The following EMB variants were observed in gnomAD, a reference collection of about 807,000 sequenced individuals.
EMB encodes the protein embigin, also known as embigin homolog.
A neutral mutation model predicts 41.4 loss-of-function variants in EMB; 31 were observed. That is an observed-to-expected ratio of 0.75 (90% CI 0.56 to 1.01). The LOEUF is 1.01. EMB is among the 50% of genes least tolerant of loss of function. EMB has a pLI of 0.00. For synonymous variants in EMB, 137 were observed against 140.4 expected (o/e 0.98, Z 0.17); for missense variants, 379 against 388.3 (o/e 0.98, Z 0.20).
At chr5:50,423,795 A>G (rs569576935) in intron 2 of EMB, among the ~76,000 whole-genome samples, 1 of 152,338 alleles carries the variant, frequency 6.6e-6, no homozygotes, top group Admixed American at 6.5e-5. Flanking sequence ...CCACGTCTTT[A>G]AATAATAACG....
At chr5:50,431,104 T>C (rs952635103) in intron 1 of EMB, among the ~76,000 whole-genome samples, 1 of 152,196 alleles carries the variant, frequency 6.6e-6, no homozygotes, top group African/African-American at 2.4e-5. Context: ...GTACCTTAAC[T>C]TCATATTCCC....
At position 50,424,398 on chromosome 5, in the gene EMB, G is replaced by C. The variant is rs770018087; in HGVS notation, c.196+3746C>G. 1.1e-4 allele frequency among the ~76,000 whole-genome samples: 16 copies of C among 152,128 alleles called. 1 individual carries two copies. Among genetic ancestry groups the C allele is most frequent in the Non-Finnish European group, 2.2e-4 (15 of 68,022 alleles). On this transcript the variant is annotated intron_variant, in intron 2 of 8. Transcript: ENST00000303221. ...GAAGCAGGAACATATGCGCTTCTCT[G>C]ATATGTGCTTTATTGAAGATGGGAT...
At chr5:50,426,632 G>A (rs370205349) in intron 2 of EMB, among the ~76,000 whole-genome samples, 2 of 152,038 alleles carry the variant, frequency 1.3e-5, no homozygotes, top group South Asian at 2.1e-4. Flanking sequence ...CTTCGACAAT[G>A]GCCAGAGGGA....
At chr5:50,399,945 A>G in intron 7 of EMB, 32 bp from the exon 8 acceptor site, 3 of 1,502,384 alleles carry the variant, frequency 2.0e-6, no homozygotes, top group Non-Finnish European at 1.8e-6. Flanking sequence ...AAATTACTAA[A>G]TGCTTATATT....
At chr5:50,435,107 A>G (rs143151240) in intron 1 of EMB, among the ~76,000 whole-genome samples, 7 of 152,190 alleles carry the variant, frequency 4.6e-5, no homozygotes, top group African/African-American at 1.7e-4. Flanking sequence ...GGTAAACTGA[A>G]GCTTTCTCAG....
Position 50,398,855 on chromosome 5 carries a change from C to G in EMB, c.*418G>C, listed in dbSNP as rs1370889915. The G allele has an allele frequency of 6.5e-6, 1 of 153,240 alleles. No homozygotes were observed. The highest frequency in any genetic ancestry group is 1.5e-5 in the Non-Finnish European group (1 of 68,574). 9.5% of individuals were successfully genotyped at this position (153,240 alleles called of 1,614,324 possible). ...ATTGTTACATATACTTCCATAGATA[C>G]TAATAGTAAGTATGATTTTTTTTTA... On this transcript the variant is annotated 3_prime_UTR_variant, in exon 9 of 9. Coordinates refer to ENST00000303221, the MANE Select transcript of EMB (RefSeq NM_198449.3).
At chr5:50,401,722 TA>T (rs1745165362) in intron 7 of EMB, among the ~76,000 whole-genome samples, 3 of 151,978 alleles carry the variant, frequency 2.0e-5, no homozygotes, top group Non-Finnish European at 2.9e-5. Flanking sequence ...TGAATAATAA[TA>T]ACTAATAGAA....
intron 4 of EMB, among the ~76,000 whole-genome samples, chr5:50,407,330 G>A (rs1745265076): frequency 6.6e-6 from 1 of 151,696 alleles, no homozygotes; most frequent in Non-Finnish European, 1.5e-5. Context: ...TACCTGCTTG[G>A]GAAGCATAAT....
intron 2 of EMB, among the ~76,000 whole-genome samples, chr5:50,414,304 T>C (rs767682949): frequency 1.3e-5 from 2 of 151,730 alleles, no homozygotes; most frequent in African/African-American, 2.4e-5. Context: ...TGTGTGGGAT[T>C]GCTTGAGCAC....
intron 1 of EMB, among the ~76,000 whole-genome samples, chr5:50,438,613 G>A (rs900648107): frequency 1.8e-4 from 28 of 152,158 alleles, no homozygotes; most frequent in South Asian, 6.2e-4. Flanking sequence ...TATACATCTA[G>A]GTCAAAAATA....
At chr5:50,441,960 C>T (rs1745922922), upstream of EMB, among the ~76,000 whole-genome samples, 2 of 152,100 alleles carry the variant, frequency 1.3e-5, no homozygotes, top group South Asian at 4.1e-4. Flanking sequence ...TAAGATAATG[C>T]TCTTACCCAC....
intron 2 of EMB, among the ~76,000 whole-genome samples, chr5:50,416,505 C>T (rs1163422599): frequency 1.3e-5 from 2 of 152,064 alleles, no homozygotes; most frequent in African/African-American, 2.4e-5. Context: ...CTGCTTTGTT[C>T]TTTATTAAGA....
At chr5:50,429,901 A>G (rs995212877) in intron 1 of EMB, among the ~76,000 whole-genome samples, 3 of 145,250 alleles carry the variant, frequency 2.1e-5, no homozygotes, top group African/African-American at 7.7e-5. Context: ...TCCTCCCATC[A>G]CCCTCCTTCT....
At chr5:50,429,004 T>G (rs908195450) in intron 1 of EMB, among the ~76,000 whole-genome samples, 3 of 152,180 alleles carry the variant, frequency 2.0e-5, no homozygotes, top group Non-Finnish European at 4.4e-5. Flanking sequence ...CAAGCAATTC[T>G]CCTGCCTCAG....
intron 5 of EMB, among the ~76,000 whole-genome samples, chr5:50,405,391 A>G (rs181458817): frequency 2.0e-4 from 31 of 152,088 alleles, no homozygotes; most frequent in African/African-American, 7.0e-4. Flanking sequence ...ATTTTTAAAA[A>G]GAATATTTTC....
chr5:50,428,618 A>C, intron 1 of EMB: 2 of 987,792 alleles, frequency 2.0e-6, no homozygotes, highest in Non-Finnish European at 2.4e-6. Context: ...GAAGAGCGAC[A>C]GGCAGACCTT....
chr5:50,432,464 G>T (rs539396516), intron 1 of EMB, among the ~76,000 whole-genome samples: 2 of 152,158 alleles, frequency 1.3e-5, no homozygotes, highest in Non-Finnish European at 2.9e-5. Flanking sequence ...TTGGAAATAA[G>T]AATATATTTC....
intron 2 of EMB, among the ~76,000 whole-genome samples, chr5:50,419,768 T>C (rs1301091124): frequency 3.3e-5 from 5 of 151,968 alleles, no homozygotes; most frequent in South Asian, 2.1e-4. Flanking sequence ...AGCAAAGACA[T>C]AGAATTAACC....
In EMB at chr5:50,403,242, C is replaced by T. The variant is rs571739642; in HGVS notation, c.813G>A (p.Val271=). ...LKPFLVIVAE[V]ILLVATILLC... ...GCAGAATGGTGGCCACTAAAAGAAT[C>T]ACCTCAGCCACTATTACAAGAAATG... The change falls in exon 6 of 9, where the codon GTG becomes GTA. Residue 271 remains valine, a synonymous_variant. Transcript: ENST00000303221. 1 of 1,612,196 alleles carries T rather than the reference C, an allele frequency of 6.2e-7. No homozygotes were observed. The highest frequency in any genetic ancestry group is 1.3e-5 in the African/African-American group (1 of 74,786).
Sources: allele counts gnomAD v4.1 joint callset (sites outside exome capture counted in the v4.1 genomes callset), GRCh38; gene constraint gnomAD v4.1.1; transcripts MANE v1.5; gene names NCBI Gene and HGNC (gene_info 2026-07-23, HGNC 2026-07-21).